Variants in PATJ observed in about 807,000 individuals in gnomAD.
The protein encoded by PATJ is inaD-like protein.
Under a neutral mutation model 224.9 loss-of-function variants are expected in PATJ, and 190 were observed. That is an observed-to-expected ratio of 0.84 (90% CI 0.75 to 0.95). The LOEUF (loss-of-function observed/expected upper bound fraction) is 0.95. Among genes scored for constraint, PATJ ranks in the 40% least tolerant of loss-of-function variants. The probability of loss-of-function intolerance (pLI) is 0.00; values close to 1 mark genes in which losing one functional copy is unlikely to be tolerated. For synonymous variants in PATJ, 769 were observed against 820.3 expected, an observed-to-expected ratio of 0.94 and a Z score of 1.07; for missense variants, 2,121 against 2,270.3, an observed-to-expected ratio of 0.93 and a Z score of 1.34.
chr1:62,090,027 T>A (rs1176448362), intron 33 of PATJ, among the ~76,000 whole-genome samples: 1 of 152,222 alleles, frequency 6.6e-6, no homozygotes, highest in African/African-American at 2.4e-5. Context: ...GTTAAGTCTC[T>A]GGAACCTGGT....
intron 28 of PATJ, among the ~76,000 whole-genome samples, chr1:61,993,373 C>T (rs916467976): frequency 6.6e-6 from 1 of 152,140 alleles, no homozygotes; most frequent in Non-Finnish European, 1.5e-5. Context: ...GACAGGTCCA[C>T]GTGTTCAGCA....
chr1:62,010,513 C>A (rs773978398), intron 28 of PATJ, among the ~76,000 whole-genome samples: 4 of 151,470 alleles, frequency 2.6e-5, no homozygotes, highest in Non-Finnish European at 5.9e-5. Flanking sequence ...TTAGCTCCCA[C>A]ATATGAGTGA....
intron 28 of PATJ, among the ~76,000 whole-genome samples, chr1:62,004,081 A>T (rs1213198990): frequency 1.3e-5 from 2 of 152,112 alleles, no homozygotes; most frequent in African/African-American, 4.8e-5. Flanking sequence ...AGAGCAAACT[A>T]CCCAACTCCA....
chr1:61,844,445 G>A (rs17252430), intron 17 of PATJ, among the ~76,000 whole-genome samples: 2,188 of 152,158 alleles, frequency 0.014, 45 homozygotes, highest in African/African-American at 0.051. Context: ...TAACAATTAC[G>A]TACTGCTTAC....
intron 31 of PATJ, among the ~76,000 whole-genome samples, chr1:62,052,745 C>CA (rs1264623283): frequency 0.01 from 1,252 of 123,044 alleles, 5 homozygotes; most frequent in Non-Finnish European, 0.014. Context: ...ACCTCCGTCT[C>CA]AAAAAAAAAA....
chr1:61,983,999 AT>A (rs1644594959), intron 27 of PATJ, among the ~76,000 whole-genome samples: 1 of 150,988 alleles, frequency 6.6e-6, no homozygotes, highest in Non-Finnish European at 1.5e-5. Flanking sequence ...TGATGTTTTA[AT>A]TTTTTGTAGA....
intron 28 of PATJ, among the ~76,000 whole-genome samples, chr1:62,005,463 T>C (rs1412128719): frequency 6.6e-6 from 1 of 151,862 alleles, no homozygotes; most frequent in Non-Finnish European, 1.5e-5. Flanking sequence ...TAAAAGAGTT[T>C]ATTAAAGAAA....
chr1:62,026,960 C>T (rs1456704829), intron 29 of PATJ, among the ~76,000 whole-genome samples: 6 of 152,060 alleles, frequency 3.9e-5, no homozygotes, highest in Non-Finnish European at 4.4e-5. Flanking sequence ...TGGGAGCAAC[C>T]GAGTATAACA....
intron 39 of PATJ, 130 bp downstream of exon 39, chr1:62,123,188 C>A: frequency 1.6e-6 from 1 of 638,422 alleles, no homozygotes; most frequent in Non-Finnish European, 2.7e-6. Context: ...AAAATATGGT[C>A]TAAATAACAT....
At chr1:62,015,259 A>G (rs148243866) in intron 28 of PATJ, among the ~76,000 whole-genome samples, 183 of 151,946 alleles carry the variant, frequency 1.2e-3, no homozygotes, top group African/African-American at 4.0e-3. Flanking sequence ...AGCTGAGATC[A>G]TGCCACTGCA....
chr1:61,827,434 C>A lies in PATJ; in HGVS notation c.1831C>A (p.Gln611Lys). The A allele has an allele frequency of 6.2e-7, 1 of 1,613,690 alleles. No individual in the cohort carries two copies. ...EDELLEVNGM[Q>K]LYGKSRREAV... ...CTTGTCTTCCTAGGTCAATGGCATG[C>A]AGCTTTATGGAAAATCTCGCCGAGA... is the stretch of plus-strand genomic sequence containing the variant. Residue 611 changes from glutamine (Q) to lysine (K), a missense_variant, in exon 16 of 44, where the codon CAG (glutamine) becomes AAG (lysine). Gln to Lys is a moderately conservative substitution (Grantham distance 53). Transcript: ENST00000642238.
intron 31 of PATJ, among the ~76,000 whole-genome samples, chr1:62,071,057 A>C (rs911001186): frequency 6.6e-6 from 1 of 152,212 alleles, no homozygotes; most frequent in African/African-American, 2.4e-5. Context: ...AGGGGATGTC[A>C]GATTCAATTA....
intron 28 of PATJ, among the ~76,000 whole-genome samples, chr1:62,010,801 C>T (rs149170813): frequency 0.011 from 1,635 of 152,292 alleles, 14 homozygotes; most frequent in Middle Eastern, 0.041. Flanking sequence ...GCAAACACAT[C>T]CTTCTTCACA....
chr1:61,953,569 T>C (rs545290081), intron 27 of PATJ, among the ~76,000 whole-genome samples: 1 of 152,358 alleles, frequency 6.6e-6, no homozygotes, highest in South Asian at 2.1e-4. Context: ...AGATTCCCTG[T>C]AGTGACAACT....
chr1:61,794,985 AAAAC>A (rs1471469649), intron 9 of PATJ, among the ~76,000 whole-genome samples: 8 of 152,108 alleles, frequency 5.3e-5, no homozygotes, highest in African/African-American at 1.7e-4. Context: ...TCCATCTCAA[AAAAC>A]AAACAAAAAG....
chr1:62,135,973 C>T lies in PATJ; in HGVS notation c.5271+7028C>T, dbSNP rs74076553. Among the ~76,000 whole-genome samples the T allele has an allele frequency of 2.1e-3, 300 of 139,914 alleles. 1 individual carries two copies. Among genetic ancestry groups the T allele is most frequent in the African/African-American group, 7.7e-3 (291 of 37,608 alleles). The allele number at this position is 139,914 out of a possible 152,430, so 91.8% of individuals were successfully genotyped here. A position where few individuals can be genotyped will look rare whatever the true frequency, so the allele number is the denominator to read the frequency against. ...TGGCTGGAAGTCAGTTTGCCCTTTT[C>T]GAATTTTACTCCAAGTGCTTCACAC... On this transcript the variant is annotated intron_variant, in intron 41 of 43. Coordinates refer to ENST00000642238, the MANE Select transcript of PATJ (RefSeq NM_001350145.3).
At chr1:61,985,253 A>G (rs1352329737) in intron 27 of PATJ, among the ~76,000 whole-genome samples, 1 of 152,018 alleles carries the variant, frequency 6.6e-6, no homozygotes, top group Non-Finnish European at 1.5e-5. Context: ...TGGAGGTTGC[A>G]GTGAACCGAG....
chr1:61,961,885 C>T lies in PATJ; in HGVS notation c.3671-28283C>T, dbSNP rs537453260. Among the ~76,000 whole-genome samples, 8 of 150,396 alleles carry T rather than the reference C, an allele frequency of 5.3e-5. No homozygotes were observed. In the East Asian group the frequency reaches 1.4e-3, roughly 26 times the overall value. ...TCGGGAGGCTGAGGCAGGAGAATCACTTGAACCTGGGAAGCAGAGGTTGCA... is the reference window on the plus strand; with the variant it reads ...TCGGGAGGCTGAGGCAGGAGAATCATTTGAACCTGGGAAGCAGAGGTTGCA... On this transcript the variant is annotated intron_variant, in intron 27 of 43. Transcript: ENST00000642238.
intron 27 of PATJ, among the ~76,000 whole-genome samples, chr1:61,970,996 A>G (rs1451776689): frequency 2.6e-5 from 4 of 152,238 alleles, no homozygotes; most frequent in Non-Finnish European, 5.9e-5. Flanking sequence ...TCAAAACCAC[A>G]AAACATTCTT....
Sources: gnomAD v4.1 joint callset for allele counts (sites outside exome capture counted in the v4.1 genomes callset) on GRCh38, gnomAD v4.1.1 for gene constraint, MANE v1.5 for transcripts, NCBI Gene and HGNC (gene_info 2026-07-23, HGNC 2026-07-21) for gene names.